Variants in ARSG observed in about 807,000 individuals in gnomAD.
ARSG encodes ASG.
In ARSG, 37 loss-of-function variants were observed where a neutral mutation model predicts 50.5. The ratio of observed to expected loss-of-function variants is 0.73; its 90% CI spans 0.56 to 0.96. The LOEUF is 0.96. Ranked by LOEUF, ARSG falls within the 50% of genes least tolerant of loss-of-function variation. ARSG has a pLI of 0.00. For missense variants in ARSG, 629 were observed against 675.3 expected, an observed-to-expected ratio of 0.93 and a Z score of 0.76; for synonymous variants, 225 against 254.6, an observed-to-expected ratio of 0.88 and a Z score of 1.11.
At chr17:68,345,210 G>C (rs6501393) in intron 3 of ARSG, among the ~76,000 whole-genome samples, 3 of 152,206 alleles carry the variant, frequency 2.0e-5, no homozygotes, top group Non-Finnish European at 4.4e-5. Flanking sequence ...AGTGGCTCAC[G>C]CCTGTAATCC....
At chr17:68,432,311 T>G in the ARSG span, among the ~76,000 whole-genome samples, 1 of 152,196 alleles carries the variant, frequency 6.6e-6, no homozygotes, top group East Asian at 1.9e-4. Context: ...GTGGGCTTGC[T>G]TTAATCACAC....
chr17:68,385,768 A>G lies in ARSG; in HGVS notation c.1091+596A>G, dbSNP rs930550922. Among the ~76,000 whole-genome samples, 4 of 152,114 alleles carry G rather than the reference A, an allele frequency of 2.6e-5. No individual in the cohort carries two copies. In the South Asian group the frequency reaches 6.2e-4, roughly 24 times the overall value. On this transcript the variant is annotated intron_variant, in intron 9 of 11. Transcript: ENST00000621439. ...AGCCTGTGCCAAGCTGACCGAGGCA[A>G]TAGATCCTTTGAGACCTAATTGTTC...
chr17:68,344,486 CA>C (rs1166007603), intron 3 of ARSG, among the ~76,000 whole-genome samples: 2 of 152,244 alleles, frequency 1.3e-5, no homozygotes, highest in Non-Finnish European at 2.9e-5. Flanking sequence ...ATCTCTTACT[CA>C]GCATTTATTA....
rs765044996 is a variant in ARSG at position 68,350,513 on chromosome 17, C to T, written c.455-1062C>T. 5.9e-5 allele frequency among the ~76,000 whole-genome samples: 9 copies of T among 151,828 alleles called. 1 individual carries two copies. Among genetic ancestry groups the T allele is most frequent in the South Asian group, 2.1e-4 (1 of 4,824 alleles). On this transcript the variant is annotated intron_variant, in intron 4 of 11. Coordinates refer to ENST00000621439, the MANE Select transcript of ARSG (RefSeq NM_001267727.2). ...TTAAAAGCTTGGGCTGGGCCGGGCG[C>T]GGTGGCTCACACCTGTAATCCCAGC...
At chr17:68,373,522 C>T (rs1265532866) in intron 8 of ARSG, among the ~76,000 whole-genome samples, 2 of 152,160 alleles carry the variant, frequency 1.3e-5, no homozygotes, top group East Asian at 3.9e-4. Context: ...AGCCACCATG[C>T]CTGGCCTACT....
chr17:68,269,037 G>C, intron 1 of ARSG: 2 of 1,592,754 alleles, frequency 1.3e-6, no homozygotes, highest in Non-Finnish European at 1.7e-6. Flanking sequence ...TTGTGTCCCC[G>C]TTGGGCCCAC....
chr17:68,310,695 A>G (rs782379188), intron 2 of ARSG, among the ~76,000 whole-genome samples: 14 of 152,148 alleles, frequency 9.2e-5, no homozygotes, highest in Non-Finnish European at 1.8e-4. Context: ...GGGCATCTCC[A>G]CAGAGTTTTG....
At chr17:68,272,675 T>C in intron 1 of ARSG, 2 of 1,614,138 alleles carry the variant, frequency 1.2e-6, no homozygotes, top group Non-Finnish European at 1.7e-6. Context: ...CATTCTCCTG[T>C]GGAAGCAACT....
intron 1 of ARSG, among the ~76,000 whole-genome samples, chr17:68,272,084 A>G (rs1475628660): frequency 2.0e-5 from 3 of 152,132 alleles, no homozygotes; most frequent in Non-Finnish European, 2.9e-5. Flanking sequence ...TACAGGCATG[A>G]GCCACTGCAC....
chr17:68,376,691 T>G (rs2080167648), intron 8 of ARSG, among the ~76,000 whole-genome samples: 1 of 144,976 alleles, frequency 6.9e-6, no homozygotes, highest in Non-Finnish European at 1.5e-5. Context: ...TACTATTCAA[T>G]TTTTTTTTAA....
At chr17:68,312,229 C>T (rs1454951525) in intron 2 of ARSG, among the ~76,000 whole-genome samples, 1 of 152,148 alleles carries the variant, frequency 6.6e-6, no homozygotes, top group African/African-American at 2.4e-5. Context: ...CGCTTATATT[C>T]CTAGCATGTA....
At chr17:68,430,583 G>A in the ARSG span, among the ~76,000 whole-genome samples, 5 of 152,214 alleles carry the variant, frequency 3.3e-5, no homozygotes, top group Admixed American at 6.5e-5. Context: ...TCCTGAGCCA[G>A]ACTGAGTGGG....
chr17:68,421,570 A>G (rs898141301), downstream of ARSG: 2 of 631,196 alleles, frequency 3.2e-6, no homozygotes, highest in Non-Finnish European at 5.7e-6. Context: ...ATGTGTATAC[A>G]ATGTCTCCCG....
At chr17:68,369,277 A>ATAATC (rs1333979452) in intron 7 of ARSG, among the ~76,000 whole-genome samples, 1 of 152,138 alleles carries the variant, frequency 6.6e-6, no homozygotes, top group Non-Finnish European at 1.5e-5. Context: ...ACTCACACCT[A>ATAATC]TAATCTAATA....
chr17:68,365,063 A>G (rs976016038), intron 6 of ARSG, among the ~76,000 whole-genome samples: 3 of 152,214 alleles, frequency 2.0e-5, no homozygotes, highest in African/African-American at 7.2e-5. Flanking sequence ...TAACCCCAGC[A>G]CTTTGGGAGG....
chr17:68,299,501 G>A (rs1437572815), intron 1 of ARSG, among the ~76,000 whole-genome samples: 1 of 151,748 alleles, frequency 6.6e-6, no homozygotes, highest in East Asian at 1.9e-4. Context: ...AAAAAAAATC[G>A]AACCTGGATC....
intron 4 of ARSG, among the ~76,000 whole-genome samples, chr17:68,349,230 G>A (rs1345905418): frequency 2.6e-5 from 4 of 152,038 alleles, no homozygotes; most frequent in African/African-American, 9.6e-5. Context: ...CCCAGGAGGT[G>A]GAGGTTGCAG....
intron 5 of ARSG, among the ~76,000 whole-genome samples, chr17:68,353,743 C>T (rs2078905347): frequency 6.6e-6 from 1 of 152,012 alleles, no homozygotes; most frequent in Admixed American, 6.6e-5. Context: ...GTTCTGTTGC[C>T]CAGGCTGGAG....
chr17:68,395,820 A>G (rs1200001431), intron 10 of ARSG, among the ~76,000 whole-genome samples: 1 of 152,142 alleles, frequency 6.6e-6, no homozygotes, highest in Non-Finnish European at 1.5e-5. Context: ...TGAGCTGTTG[A>G]GTTGAGCTCC....
Sources: allele counts gnomAD v4.1 joint callset (sites outside exome capture counted in the v4.1 genomes callset), GRCh38; gene constraint gnomAD v4.1.1; transcripts MANE v1.5; gene names NCBI Gene and HGNC (gene_info 2026-07-23, HGNC 2026-07-21).